Variants in RBM23 observed in about 807,000 individuals in gnomAD.
RBM23 encodes the protein probable RNA-binding protein 23.
RBM23 carries 53 observed loss-of-function variants against 56.2 expected under a neutral mutation model. The observed-to-expected ratio is 0.94, with a 90% CI of 0.76 to 1.19. The LOEUF is 1.19. Among genes scored for constraint, RBM23 ranks in the 50% most tolerant of loss-of-function variants. The pLI is 0.00. For missense variants in RBM23, 642 were observed against 590.3 expected (o/e 1.09, Z -0.91); for synonymous variants, 197 against 198.5 (o/e 0.99, Z 0.06).
chr14:22,918,063 T>C (rs929046096), intron 1 of RBM23, among the ~76,000 whole-genome samples: 1 of 152,196 alleles, frequency 6.6e-6, no homozygotes, highest in Admixed American at 6.5e-5. Flanking sequence ...TAAAAGCTAC[T>C]TGAAGGACCA....
chr14:22,915,383 A>G (rs2043296570), intron 1 of RBM23, among the ~76,000 whole-genome samples: 1 of 150,130 alleles, frequency 6.7e-6, no homozygotes. Context: ...TATTTTTAGT[A>G]GAGACCAGGT....
chr14:22,901,323 T>G lies in RBM23; in HGVS notation c.*407A>C. The G allele has an allele frequency of 4.6e-6, 1 of 215,922 alleles. No homozygotes were observed. 13.4% of individuals were successfully genotyped at this position (215,922 alleles called of 1,614,324 possible). On this transcript the variant is annotated 3_prime_UTR_variant, in exon 14 of 14. Coordinates refer to ENST00000359890, the MANE Select transcript of RBM23 (RefSeq NM_001077351.2). The stretch of plus-strand genomic sequence containing the variant: ...CCTCTTGATTCAGAGGTCCTAAGGG[T>G]TTTCCTTGACAGACTAAAGGTTAAA...
intron 3 of RBM23, 99 bp from the exon 4 acceptor site, chr14:22,908,479 GC>G: frequency 2.2e-6 from 3 of 1,358,586 alleles, no homozygotes; most frequent in Non-Finnish European, 3.0e-6. Context: ...TGCAACCTCC[GC>G]CTTCCAGGTT....
chr14:22,909,688 A>T (rs61353824), intron 2 of RBM23, 93 bp from the exon 3 acceptor site: 34 of 903,706 alleles, frequency 3.8e-5, no homozygotes, highest in Non-Finnish European at 6.1e-5. Context: ...CAAGGAATAA[A>T]TCAAACCACT....
chr14:22,905,793 G>A (rs1231898144), intron 5 of RBM23, 134 bp from the exon 6 acceptor site: 1 of 728,076 alleles, frequency 1.4e-6, no homozygotes, highest in African/African-American at 1.8e-5. Flanking sequence ...CTGTCACCCA[G>A]GCTGGAGTGC....
chr14:22,908,315 T>C lies in RBM23; in HGVS notation c.227+18A>G. The C allele has an allele frequency of 6.5e-7, 1 of 1,549,708 alleles. No individual in the cohort carries two copies. Among genetic ancestry groups the C allele is most frequent in the Non-Finnish European group, 8.7e-7 (1 of 1,146,812 alleles). On this transcript the variant is annotated intron_variant, in intron 4 of 13. Transcript: ENST00000359890. ...GATTAAAGATACGAGCCACTGTGCCTGGCCCAGAATTACTGACCTGCGCTT... is the reference window on the plus strand; with the variant it reads ...GATTAAAGATACGAGCCACTGTGCCCGGCCCAGAATTACTGACCTGCGCTT...
intron 1 of RBM23, among the ~76,000 whole-genome samples, chr14:22,916,469 TCTCA>T (rs1378278122): frequency 6.7e-6 from 1 of 149,894 alleles, no homozygotes; most frequent in Non-Finnish European, 1.5e-5. Context: ...AGAGACATGG[TCTCA>T]CTATGTTGCC....
rs200287080 is a variant in RBM23 at position 22,909,573 on chromosome 14, A to C, written c.89T>G (p.Val30Gly). ...KEEDEQQRKE[V>G]KKDYPSNTTS... ...GGTATTGCTAGGATAATCCTTTTTA[A>C]CTTCTTTCCTTTGTTGCTCATCCTG... is the stretch of plus-strand genomic sequence containing the variant. The change falls in exon 3 of 14, where the codon GTT becomes GGT. Residue 30 changes from valine to glycine, a missense_variant. Transcript: ENST00000359890. The C allele has an allele frequency of 1.2e-6, 2 of 1,613,462 alleles. No individual in the cohort carries two copies. Among genetic ancestry groups the C allele is most frequent in the Admixed American group, 1.7e-5 (1 of 60,000 alleles).
At chr14:22,903,245 T>C in intron 10 of RBM23, 2 of 985,440 alleles carry the variant, frequency 2.0e-6, no homozygotes, top group Non-Finnish European at 2.4e-6. Context: ...TAGTCCCTTT[T>C]ATCAGCAGCA....
intron 9 of RBM23, 88 bp downstream of exon 9, chr14:22,904,787 G>C (rs895844481): frequency 1.9e-6 from 3 of 1,565,378 alleles, no homozygotes; most frequent in Non-Finnish European, 2.6e-6. Context: ...GGTTAATCAC[G>C]GCCAGGCACA....
rs200231890 is a variant in RBM23, at chr14:22,906,255, C to T, written c.341G>A (p.Arg114Gln). 209 of 1,614,226 alleles carry T rather than the reference C, an allele frequency of 1.3e-4. No homozygotes were observed. Among genetic ancestry groups the T allele is most frequent in the Middle Eastern group, 9.9e-4 (6 of 6,062 alleles). ...ATCCTCACGACGATGGTCCCGACTT[C>T]GCGACTCACTACCATGTCGACGATC... is the stretch of plus-strand genomic sequence containing the variant. The part of the protein sequence containing the change: ...SWDRRHGSES[R>Q]SRDHRREDRV... The change falls in exon 5 of 14, where the codon CGA (arginine) becomes CAA (glutamine). Residue 114 changes from arginine to glutamine, a missense_variant. Physicochemically the swap from Arg to Gln is conservative, Grantham distance 43. Transcript: ENST00000359890.
chr14:22,904,399 T>C (rs2041158822), intron 9 of RBM23, 73 bp from the exon 10 acceptor site: 10 of 202,822 alleles, frequency 4.9e-5, no homozygotes, highest in South Asian at 1.4e-4. Context: ...CCCAGACTGC[T>C]TTTTTTTTTT....
rs761280326 is a variant in RBM23, at chr14:22,898,101, C to T, written c.*3629G>A. On this transcript the variant is annotated 3_prime_UTR_variant, in exon 14 of 14. Transcript: ENST00000359890. ...GAAAAGAGGGACTGTGATATAATTC[C>T]ATCCTTCAGGTTTTTACTCAATTCC... The T allele has an allele frequency of 1.2e-4, 18 of 152,202 alleles. No individual in the cohort carries two copies. Among genetic ancestry groups the T allele is most frequent in the Non-Finnish European group, 2.1e-4 (14 of 68,050 alleles). 9.4% of individuals were successfully genotyped at this position (152,202 alleles called of 1,614,324 possible).
chr14:22,903,787 C>T (rs960060074), intron 10 of RBM23: 1 of 1,001,684 alleles, frequency 1.0e-6, no homozygotes, highest in Non-Finnish European at 1.2e-6. Context: ...ATTAGGTGGC[C>T]TCACTATTCT....
At chr14:22,903,367 T>C (rs1251801630) in intron 10 of RBM23, 1 of 985,342 alleles carries the variant, frequency 1.0e-6, no homozygotes, top group Non-Finnish European at 1.2e-6. Context: ...ACAGAAGCCT[T>C]TCCATATCTC....
At chr14:22,911,053 G>A (rs918807299) in intron 2 of RBM23, among the ~76,000 whole-genome samples, 5 of 152,178 alleles carry the variant, frequency 3.3e-5, no homozygotes, top group African/African-American at 4.8e-5. Context: ...GAGGTACAGT[G>A]ACTTTCTACT....
intron 1 of RBM23, among the ~76,000 whole-genome samples, chr14:22,918,549 C>T (rs139481589): frequency 1.3e-5 from 2 of 152,228 alleles, no homozygotes; most frequent in Admixed American, 6.5e-5. Context: ...TAAAGGTCAA[C>T]ATAGTGAACA....
rs947742901 is a variant in RBM23 at position 22,899,972 on chromosome 14, C to T, written c.*1758G>A. ...CCCTGCCCCTGAATTCAGGCCTTCTCATTTGGTCCCTAAGCTGGGTGAGAC... is the reference window on the plus strand; with the variant it reads ...CCCTGCCCCTGAATTCAGGCCTTCTTATTTGGTCCCTAAGCTGGGTGAGAC... On this transcript the variant is annotated 3_prime_UTR_variant, in exon 14 of 14. Transcript: ENST00000359890. The T allele has an allele frequency of 6.6e-6, 1 of 152,156 alleles. No homozygotes were observed. The highest frequency in any genetic ancestry group is 1.5e-5 in the Non-Finnish European group (1 of 68,032). The allele number at this position is 152,156 out of a possible 1,614,324, so 9.4% of individuals were successfully genotyped here.
Position 22,894,881 on chromosome 14 carries a change from A to C in RBM23, c.*6849T>G, listed in dbSNP as rs2040223385. The C allele has an allele frequency of 6.6e-6, 1 of 151,938 alleles. No homozygotes were observed. The highest frequency in any genetic ancestry group is 1.5e-5 in the Non-Finnish European group (1 of 68,012). The allele number at this position is 151,938 out of a possible 1,614,324, so 9.4% of individuals were successfully genotyped here. On this transcript the variant is annotated 3_prime_UTR_variant, in exon 14 of 14. Coordinates refer to ENST00000359890, the MANE Select transcript of RBM23 (RefSeq NM_001077351.2). Reference sequence around the variant, plus strand: ...AGTGAAACCCCATCTCTACTAAAAAATACAAAAAATTAGCCGGGCATAGTG... The same window carrying C: ...AGTGAAACCCCATCTCTACTAAAAACTACAAAAAATTAGCCGGGCATAGTG...
Sources: allele counts gnomAD v4.1 joint callset (sites outside exome capture counted in the v4.1 genomes callset), GRCh38; gene constraint gnomAD v4.1.1; transcripts MANE v1.5; gene names NCBI Gene and HGNC (gene_info 2026-07-23, HGNC 2026-07-21).